CELSR1: variants seen among roughly 807,000 people sequenced by gnomAD.
CELSR1 encodes the protein adhesion G protein-coupled receptor C1.
A neutral mutation model predicts 249.1 loss-of-function variants in CELSR1; 110 were observed. That is an observed-to-expected ratio of 0.44 (90% CI 0.38 to 0.52). The LOEUF is 0.52. Ranked by LOEUF, CELSR1 falls within the 20% of genes least tolerant of loss-of-function variation. The pLI is 0.00. For synonymous variants in CELSR1, 2,113 were observed against 1,900.0 expected, an observed-to-expected ratio of 1.11 and a Z score of -2.92; for missense variants, 4,109 against 4,296.4, an observed-to-expected ratio of 0.96 and a Z score of 1.22.
Position 46,378,637 on chromosome 22 carries a change from C to G in CELSR1, c.7337G>C (p.Ser2446Thr). 1 of 1,604,376 alleles carries G rather than the reference C, an allele frequency of 6.2e-7. No individual in the cohort carries two copies. Among genetic ancestry groups the G allele is most frequent in the Non-Finnish European group, 8.5e-7 (1 of 1,176,564 alleles). The stretch of plus-strand genomic sequence containing the variant: ...GAGCACCGCAAAGCTGGCTGTGTGG[C>G]TGCACTGGCAGGCGACATGTGTCCG... ...RNRTHVACQCSHTASFAVLMD... is the reference protein window; with the variant it reads ...RNRTHVACQCTHTASFAVLMD... The change falls in exon 23 of 35, where the codon AGC (serine) becomes ACC (threonine). Residue 2446 changes from serine to threonine, a missense_variant. By Grantham distance (58) the Ser-to-Thr change is moderately conservative (BLOSUM62 1). Transcript: ENST00000674500.
rs377528621 is a variant in CELSR1 at position 46,395,688 on chromosome 22, G to A, written c.5843+917C>T. Among the ~76,000 whole-genome samples, 2 of 152,248 alleles carry A rather than the reference G, an allele frequency of 1.3e-5. No homozygotes were observed. Among genetic ancestry groups the A allele is most frequent in the African/African-American group, 4.8e-5 (2 of 41,532 alleles). The stretch of plus-strand genomic sequence containing the variant: ...CTCTAGGCTCGGGAGGACAAAGAAC[G>A]GAGCATAGCAGGTGTCCCTGCACCT... On this transcript the variant is annotated intron_variant, in intron 13 of 34. Transcript: ENST00000674500. The surrounding 1 kb of genome is among the most constrained non-coding windows in gnomAD (Gnocchi z 5.5).
chr22:46,533,530 T>A lies in CELSR1; in HGVS notation c.3544+97A>T, dbSNP rs369459664. On this transcript the variant is annotated intron_variant, in intron 1 of 34. Coordinates refer to ENST00000674500, the MANE Select transcript of CELSR1 (RefSeq NM_001378328.1). ...GCAGAGTTGCCCGGGCCCGGCCCAA[T>A]TGCGCCCCGGCATGCCAGGCGGAGC... 5 of 1,475,770 alleles carry A rather than the reference T, an allele frequency of 3.4e-6. No individual in the cohort carries two copies. In the South Asian group the frequency reaches 5.4e-5, roughly 16 times the overall value. 91.4% of individuals were successfully genotyped at this position (1,475,770 alleles called of 1,614,324 possible). A position where few individuals can be genotyped will look rare whatever the true frequency, so the allele number is the denominator to read the frequency against.
rs562125787 is a variant in CELSR1, at chr22:46,512,572, A to G, written c.3544+21055T>C. Among the ~76,000 whole-genome samples the G allele has an allele frequency of 6.6e-6, 1 of 152,118 alleles. No homozygotes were observed. Among genetic ancestry groups the G allele is most frequent in the Non-Finnish European group, 1.5e-5 (1 of 68,018 alleles). ...GGGTGAAAGAGTGAGACTCCATCTC[A>G]ACAACAACAAAAAATCAAGGCCCAA... On this transcript the variant is annotated intron_variant, in intron 1 of 34. Transcript: ENST00000674500. The surrounding 1 kb of genome is among the most constrained non-coding windows in gnomAD (Gnocchi z 5.2).
chr22:46,491,030 G>A (rs2080362185), intron 1 of CELSR1, among the ~76,000 whole-genome samples: 1 of 151,960 alleles, frequency 6.6e-6, no homozygotes, highest in South Asian at 2.1e-4. Context: ...GCAAATGGAG[G>A]GCCCCCCAAC....
rs118143636 is a variant in CELSR1, at chr22:46,391,552, C to A, written c.6148+81G>T. Reference sequence around the variant, plus strand: ...AGCCCAGGGTCCCCCAAACACCCAGCGTGCATGCACACACGTGCACGCCAG... The same window carrying A: ...AGCCCAGGGTCCCCCAAACACCCAGAGTGCATGCACACACGTGCACGCCAG... On this transcript the variant is annotated intron_variant, in intron 15 of 34. Coordinates refer to ENST00000674500, the MANE Select transcript of CELSR1 (RefSeq NM_001378328.1). The surrounding 1 kb of genome is among the most constrained non-coding windows in gnomAD (Gnocchi z 4.3). The A allele has an allele frequency of 2.5e-5, 35 of 1,423,762 alleles. No individual in the cohort carries two copies. Among genetic ancestry groups the A allele is most frequent in the South Asian group, 1.7e-4 (12 of 69,122 alleles). The allele number at this position is 1,423,762 out of a possible 1,614,324, so 88.2% of individuals were successfully genotyped here.
At position 46,363,415 on chromosome 22, in the gene CELSR1, G is replaced by C. The variant is rs140949461; in HGVS notation, c.9036-168C>G. On this transcript the variant is annotated intron_variant, in intron 34 of 34. Transcript: ENST00000674500. The surrounding 1 kb of genome is among the most constrained non-coding windows in gnomAD (Gnocchi z 4.3). The stretch of plus-strand genomic sequence containing the variant: ...ATGTTGGATGAGGCTGCCCTTGGGA[G>C]GCAGGAGAGGGGACCAGGACCAGCC... The C allele has an allele frequency of 2.3e-4, 135 of 593,608 alleles. No homozygotes were observed. The highest frequency in any genetic ancestry group is 6.0e-4 in the African/African-American group (32 of 53,712). 36.8% of individuals were successfully genotyped at this position (593,608 alleles called of 1,614,324 possible).
In CELSR1 at chr22:46,422,507, G is replaced by C. The variant is rs534603047; in HGVS notation, c.4612-10748C>G. On this transcript the variant is annotated intron_variant, in intron 5 of 34. Transcript: ENST00000674500. ...GCAGCACTTTGGGAGGCCAAGGGGG[G>C]GCGGATCACGAGGTCAGGTGACTGA... 4.1e-4 allele frequency among the ~76,000 whole-genome samples: 62 copies of C among 151,766 alleles called. No homozygotes were observed. The South Asian group carries it at 4.1e-3, about 10-fold the overall frequency.
intron 13 of CELSR1, among the ~76,000 whole-genome samples, chr22:46,394,790 C>G (rs533606508): frequency 6.6e-6 from 1 of 152,182 alleles, no homozygotes; most frequent in African/African-American, 2.4e-5. Flanking sequence ...GGCATGCGCC[C>G]GTGCACTCGG....
chr22:46,428,429 C>G lies in CELSR1; in HGVS notation c.4611+4964G>C, dbSNP rs7284568. Among the ~76,000 whole-genome samples, 20,116 of 152,208 alleles carry G rather than the reference C, an allele frequency of 0.13. 1,943 individuals are homozygous for G. The highest frequency in any genetic ancestry group is 0.27 in the African/African-American group (11,201 of 41,502). On this transcript the variant is annotated intron_variant, in intron 5 of 34. Transcript: ENST00000674500. The surrounding 1 kb of genome is among the most constrained non-coding windows in gnomAD (Gnocchi z 5.7). ...AGACCACCTGCTGCCCACGTAGAGG[C>G]TGCTGCCTCAAGCTCCGGCCCAGGG...
Position 46,390,521 on chromosome 22 carries a change from C to CTCAAACT in CELSR1, c.6251-42_6251-36dup. 1 of 1,520,620 alleles carries CTCAAACT rather than the reference C, an allele frequency of 6.6e-7. No individual in the cohort carries two copies. 94.2% of individuals were successfully genotyped at this position (1,520,620 alleles called of 1,614,324 possible). A position where few individuals can be genotyped will look rare whatever the true frequency, so the allele number is the denominator to read the frequency against. ...GAGAGCAGGTGTGCAAAGCCTGAAA[C>CTCAAACT]TCAAACTGTTGATCAATGCTTGTGT... On this transcript the variant is annotated intron_variant, in intron 16 of 34. Transcript: ENST00000674500. The surrounding 1 kb of genome is among the most constrained non-coding windows in gnomAD (Gnocchi z 6.3).
intron 2 of CELSR1, among the ~76,000 whole-genome samples, chr22:46,460,624 C>T (rs1052378805): frequency 1.3e-5 from 2 of 152,212 alleles, no homozygotes; most frequent in African/African-American, 4.8e-5. Context: ...CCGTGTTTGC[C>T]TCTCAGGGTT....
chr22:46,433,786 G>A lies in CELSR1; in HGVS notation c.4523-305C>T, dbSNP rs1160899949. ...TGCCACCTCCGCCTCCTGGGTTCAA[G>A]AGATTCTCCTGCCTCAGCCTCCTGA... On this transcript the variant is annotated intron_variant, in intron 4 of 34. Transcript: ENST00000674500. This position sits in a 1 kb window ranked among gnomAD's most constrained non-coding sequence, Gnocchi z 5.7. Among the ~76,000 whole-genome samples the A allele has an allele frequency of 6.6e-6, 1 of 152,206 alleles. No individual in the cohort carries two copies. The highest frequency in any genetic ancestry group is 1.5e-5 in the Non-Finnish European group (1 of 68,036).
At chr22:46,522,251 G>C (rs534745987) in intron 1 of CELSR1, among the ~76,000 whole-genome samples, 1 of 152,216 alleles carries the variant, frequency 6.6e-6, no homozygotes, top group African/African-American at 2.4e-5. Flanking sequence ...TCAGCCTCTT[G>C]ACTAGCTGAG....
At chr22:46,485,807 C>A (rs750442241) in intron 1 of CELSR1, among the ~76,000 whole-genome samples, 1 of 152,164 alleles carries the variant, frequency 6.6e-6, no homozygotes. Flanking sequence ...GAAACAGAAC[C>A]CTGTTCTGCA....
Position 46,537,107 on chromosome 22 carries a change from G to A in CELSR1, c.64C>T (p.Pro22Ser), listed in dbSNP as rs957844635. Reference protein sequence around the residue: ...LLLLAAAAALPAMGLRAAAWE... With the variant: ...LLLLAAAAALSAMGLRAAAWE... ...GCGGCCGCTCGCAGCCCCATCGCCG[G>A]CAGGGCGGCGGCGGCGGCCAGGAGC... The change falls in exon 1 of 35, where the codon CCG becomes TCG. Residue 22 changes from proline to serine, a missense_variant. Transcript: ENST00000674500. This position sits in a 1 kb window ranked among gnomAD's most constrained non-coding sequence, Gnocchi z 5.8. 9.6e-7 allele frequency: 1 copy of A among 1,039,042 alleles called. No individual in the cohort carries two copies. Among genetic ancestry groups the A allele is most frequent in the Non-Finnish European group, 1.2e-6 (1 of 868,028 alleles). The allele number at this position is 1,039,042 out of a possible 1,614,324, so 64.4% of individuals were successfully genotyped here.
rs1211155648 is a variant in CELSR1, at chr22:46,434,857, C to T, written c.4522+1317G>A. On this transcript the variant is annotated intron_variant, in intron 4 of 34. Transcript: ENST00000674500. This position sits in a 1 kb window ranked among gnomAD's most constrained non-coding sequence, Gnocchi z 4.9. ...ACTAAAAATACAAAAATTAGCCGGGCATGGTGAAACGTGCCTGTATTCCCA... is the reference window on the plus strand; with the variant it reads ...ACTAAAAATACAAAAATTAGCCGGGTATGGTGAAACGTGCCTGTATTCCCA... 6.6e-6 allele frequency among the ~76,000 whole-genome samples: 1 copy of T among 152,054 alleles called. No individual in the cohort carries two copies. The highest frequency in any genetic ancestry group is 1.5e-5 in the Non-Finnish European group (1 of 68,022).
intron 24 of CELSR1, among the ~76,000 whole-genome samples, chr22:46,373,687 G>GGGGAGAAGGGGGAGATGGGGGAGATGT (rs2078884862): frequency 7.5e-6 from 1 of 133,384 alleles, no homozygotes; most frequent in South Asian, 2.7e-4. Context: ...GGGGGAGATG[G>GGGGAGAAGGGGGAGATGGGGGAGATGT]GGGAGAAGGG....
At position 46,412,595 on chromosome 22, in the gene CELSR1, G is replaced by A. The variant is rs1371566361; in HGVS notation, c.4612-836C>T. On this transcript the variant is annotated intron_variant, in intron 5 of 34. Coordinates refer to ENST00000674500, the MANE Select transcript of CELSR1 (RefSeq NM_001378328.1). This position sits in a 1 kb window ranked among gnomAD's most constrained non-coding sequence, Gnocchi z 4.5. Reference sequence around the variant, plus strand: ...AAACCTTTCCCTTCTCCAAGAGACTGTGGTTTGCCATCCGGGGACGAGCCC... The same window carrying A: ...AAACCTTTCCCTTCTCCAAGAGACTATGGTTTGCCATCCGGGGACGAGCCC... 1.3e-5 allele frequency among the ~76,000 whole-genome samples: 2 copies of A among 152,182 alleles called. No homozygotes were observed. Among genetic ancestry groups the A allele is most frequent in the African/African-American group, 4.8e-5 (2 of 41,432 alleles).
chr22:46,439,388 G>A lies in CELSR1; in HGVS notation c.4207C>T (p.Arg1403Cys), dbSNP rs141040650. Residue 1403 changes from arginine (R) to cysteine (C), a missense_variant, in exon 3 of 35, where the codon CGC becomes TGC. Around this residue, in one of 7 missense-constraint regions of CELSR1, gnomAD observed 453 missense variants for 492.0 expected, o/e 0.92. Coordinates refer to ENST00000674500, the MANE Select transcript of CELSR1 (RefSeq NM_001378328.1). Reference protein sequence around the residue: ...FTGEHCEVDARSGRCANGVCK... With the variant: ...FTGEHCEVDACSGRCANGVCK... ...ACCCCGTTGGCACAGCGGCCTGAGCGGGCATCCACCTCACAGTGCTCTCCT... is the reference window on the plus strand; with the variant it reads ...ACCCCGTTGGCACAGCGGCCTGAGCAGGCATCCACCTCACAGTGCTCTCCT... 1.9e-4 allele frequency: 311 copies of A among 1,613,350 alleles called. No homozygotes were observed. The highest frequency in any genetic ancestry group is 3.8e-4 in the East Asian group (17 of 44,864).
Sources: gnomAD v4.1 joint callset for allele counts (sites outside exome capture counted in the v4.1 genomes callset) on GRCh38, gnomAD v4.1.1 for gene constraint, gnomAD v4.1.1 regional missense constraint, Gnocchi (gnomAD v3.1) non-coding constraint, MANE v1.5 for transcripts, NCBI Gene and HGNC (gene_info 2026-07-23, HGNC 2026-07-21) for gene names.